NDST2: variants seen among roughly 807,000 people sequenced by gnomAD.
NDST2 encodes bifunctional heparan sulfate N-deacetylase/N-sulfotransferase 2.
NDST2 carries 32 observed loss-of-function variants against 86.9 expected under a neutral mutation model. The observed-to-expected ratio is 0.37, with a 90% CI of 0.28 to 0.49. NDST2 has a LOEUF of 0.49. Ranked by LOEUF, NDST2 falls within the 20% of genes least tolerant of loss-of-function variation. The pLI, the probability that NDST2 is intolerant of heterozygous loss-of-function variation, is 0.97. For missense variants in NDST2, 950 were observed against 1,146.9 expected (o/e 0.83, Z 2.48); for synonymous variants, 409 against 437.0 (o/e 0.94, Z 0.80).
Position 73,804,914 on chromosome 10 carries a change from T to G in NDST2, c.1747-45A>C, listed in dbSNP as rs143691749. The G allele has an allele frequency of 6.7e-4, 881 of 1,309,640 alleles. 8 individuals are homozygous for G. In the East Asian group the frequency reaches 0.018, roughly 27 times the overall value. The allele number at this position is 1,309,640 out of a possible 1,614,324, so 81.1% of individuals were successfully genotyped here. ...TCAGATAAGGCCTATTTTTTTTTTTTTTTTGAGACGGAGTTTCGTTCTTGT... is the reference window on the plus strand; with the variant it reads ...TCAGATAAGGCCTATTTTTTTTTTTGTTTTGAGACGGAGTTTCGTTCTTGT... On this transcript the variant is annotated intron_variant, in intron 8 of 14. Transcript: ENST00000309979.
chr10:73,810,368 G>C (rs3758493), intron 2 of NDST2, among the ~76,000 whole-genome samples: 1 of 152,076 alleles, frequency 6.6e-6, no homozygotes, highest in Non-Finnish European at 1.5e-5. Flanking sequence ...TGAGGCAGGA[G>C]AATCACTTGA....
rs139597943 is a variant in NDST2 at position 73,807,969 on chromosome 10, A to G, written c.420T>C (p.Tyr140=). Residue 140 remains tyrosine (Y), a synonymous_variant, in exon 3 of 15, where the codon TAT becomes TAC. Coordinates refer to ENST00000309979, the MANE Select transcript of NDST2 (RefSeq NM_003635.4). The part of the protein sequence containing the change: ...NTHGRYVLVI[Y]ENLLKYVNLD... ...GGTTGACATACTTGAGCAGGTTCTC[A>G]TAAATGACCAAGACATAGCGGCCAT... The G allele has an allele frequency of 3.7e-3, 5,908 of 1,613,704 alleles. 21 individuals carry two copies. The highest frequency in any genetic ancestry group is 4.7e-3 in the Non-Finnish European group (5,528 of 1,179,538).
chr10:73,807,539 G>A lies in NDST2; in HGVS notation c.850C>T (p.Leu284Phe). ...GIQRVLFGHG[L>F]SFWLHKLIFV... ...ATAAGTTTGTGGAGCCAGAAGGAAA[G>A]GCCATGTCCAAAGAGCACCCGCTGG... The change falls in exon 3 of 15, where the codon CTT becomes TTT. Residue 284 changes from leucine (L) to phenylalanine (F), a missense_variant. Leu to Phe is a conservative substitution (Grantham distance 22). This residue lies in a region of NDST2 where 586 missense variants were observed against 714.0 expected (regional missense o/e 0.82). Coordinates refer to ENST00000309979, the MANE Select transcript of NDST2 (RefSeq NM_003635.4). The A allele has an allele frequency of 6.2e-7, 1 of 1,614,210 alleles. No individual in the cohort carries two copies. The highest frequency in any genetic ancestry group is 8.5e-7 in the Non-Finnish European group (1 of 1,180,034).
At position 73,802,512 on chromosome 10, in the gene NDST2, C is replaced by T. The variant is rs747264971; in HGVS notation, c.2591G>A (p.Arg864Gln). 23 of 1,613,846 alleles carry T rather than the reference C, an allele frequency of 1.4e-5. No individual in the cohort carries two copies. The highest frequency in any genetic ancestry group is 8.8e-5 in the South Asian group (8 of 91,074). The change falls in exon 15 of 15, where the codon CGG becomes CAG. Residue 864 changes from arginine (R) to glutamine (Q), a missense_variant. Around this residue, in one of 5 missense-constraint regions of NDST2, gnomAD observed 303 missense variants for 323.7 expected, o/e 0.94. Coordinates refer to ENST00000309979, the MANE Select transcript of NDST2 (RefSeq NM_003635.4). ...HNLELSKLLS[R>Q]LGQPVPSWLR... Reference sequence around the variant, plus strand: ...CCACGAGGGCACTGGCTGTCCAAGCCGGCTCAGCAGCTTCGACAACTCCAA... The same window carrying T: ...CCACGAGGGCACTGGCTGTCCAAGCTGGCTCAGCAGCTTCGACAACTCCAA...
chr10:73,807,376 AGACT>A lies in NDST2; in HGVS notation c.1005+4_1005+7del, dbSNP rs1394288701. The A allele has an allele frequency of 6.2e-7, 1 of 1,613,240 alleles. No homozygotes were observed. The highest frequency in any genetic ancestry group is 2.2e-5 in the East Asian group (1 of 44,872). ...TTCTAAGAAAAAAATTTAAGTAACA[AGACT>A]GACCTCAACATCAGCCACCTTCATG... On this transcript the variant is annotated splice_donor_5th_base_variant and intron_variant, in intron 3 of 14. Coordinates refer to ENST00000309979, the MANE Select transcript of NDST2 (RefSeq NM_003635.4).
intron 8 of NDST2, among the ~76,000 whole-genome samples, chr10:73,805,208 G>C (rs2084078417): frequency 6.6e-6 from 1 of 151,768 alleles, no homozygotes; most frequent in Non-Finnish European, 1.5e-5. Flanking sequence ...GCCTGGCCTA[G>C]TCTTCTCTTA....
intron 2 of NDST2, among the ~76,000 whole-genome samples, chr10:73,810,196 C>T (rs1047991625): frequency 3.3e-5 from 5 of 152,058 alleles, no homozygotes; most frequent in South Asian, 2.1e-4. Flanking sequence ...TGGTGCCTCA[C>T]GCCTGTAATT....
intron 11 of NDST2, 63 bp downstream of exon 11, chr10:73,803,511 A>G: frequency 2.5e-6 from 3 of 1,221,388 alleles, no homozygotes; most frequent in Non-Finnish European, 3.6e-6. Flanking sequence ...CCTCTCTAGC[A>G]GTCACTGTCC....
chr10:73,803,054 G>A lies in NDST2; in HGVS notation c.2341C>T (p.Arg781Cys), dbSNP rs371214914. The change falls in exon 13 of 15, where the codon CGT becomes TGT. Residue 781 changes from arginine to cysteine, a missense_variant. Around this residue, in one of 5 missense-constraint regions of NDST2, gnomAD observed 303 missense variants for 323.7 expected, o/e 0.94. Coordinates refer to ENST00000309979, the MANE Select transcript of NDST2 (RefSeq NM_003635.4). ...TCCATTGAGGCTGCTGGGTTGGTAC[G>A]CAGCTCTTGCCCATCCACAATCAGC... ...QLLIVDGQELRTNPAASMESI... is the reference protein window; with the variant it reads ...QLLIVDGQELCTNPAASMESI... The A allele has an allele frequency of 5.0e-5, 81 of 1,614,090 alleles. No homozygotes were observed. Among genetic ancestry groups the A allele is most frequent in the Admixed American group, 6.7e-5 (4 of 60,008 alleles).
intron 2 of NDST2, chr10:73,809,153 T>C (rs1230296007): frequency 6.6e-6 from 1 of 152,212 alleles, no homozygotes; most frequent in Admixed American, 6.5e-5. Context: ...GCCCCGGAAG[T>C]CTTCAGAAGT....
chr10:73,809,520 A>C (rs1327728046), intron 2 of NDST2, among the ~76,000 whole-genome samples: 3 of 152,210 alleles, frequency 2.0e-5, no homozygotes, highest in Admixed American at 2.0e-4. Context: ...ACTTAGCCTA[A>C]GTAGTTCTAC....
chr10:73,809,729 T>G (rs1407200706), intron 2 of NDST2, among the ~76,000 whole-genome samples: 1 of 152,148 alleles, frequency 6.6e-6, no homozygotes, highest in East Asian at 1.9e-4. Flanking sequence ...GGTCTAATTT[T>G]GGGGATCTCT....
At chr10:73,803,463 A>T in intron 11 of NDST2, 104 bp from the exon 12 acceptor site, 2 of 1,541,440 alleles carry the variant, frequency 1.3e-6, no homozygotes, top group Non-Finnish European at 1.8e-6. Flanking sequence ...CCCGTCCCCA[A>T]GGCACTAGTT....
At position 73,811,566 on chromosome 10, in the gene NDST2, G is replaced by C. The variant is rs2084270210; in HGVS notation, c.-539C>G. The C allele has an allele frequency of 6.6e-6, 1 of 152,162 alleles. No homozygotes were observed. Among genetic ancestry groups the C allele is most frequent in the African/African-American group, 2.4e-5 (1 of 41,454 alleles). 9.4% of individuals were successfully genotyped at this position (152,162 alleles called of 1,614,324 possible). ...TGCTTTCGGGGCCACGGGCCGCGTCGCGGCTGCTCCGCCATCTCCGAGCGA... is the reference window on the plus strand; with the variant it reads ...TGCTTTCGGGGCCACGGGCCGCGTCCCGGCTGCTCCGCCATCTCCGAGCGA... On this transcript the variant is annotated 5_prime_UTR_variant, in exon 1 of 15. Coordinates refer to ENST00000309979, the MANE Select transcript of NDST2 (RefSeq NM_003635.4).
chr10:73,804,669 C>CT (rs2084067357), intron 9 of NDST2, 104 bp downstream of exon 9: 4 of 564,866 alleles, frequency 7.1e-6, no homozygotes, highest in East Asian at 7.1e-5. Context: ...ATTAAAAATA[C>CT]TTTTTTCACT....
chr10:73,802,687 T>C lies in NDST2; in HGVS notation c.2513A>G (p.Asp838Gly), dbSNP rs964514051. The change falls in exon 14 of 15, where the codon GAT becomes GGT. Residue 838 changes from aspartate to glycine, a missense_variant. Around this residue, in one of 5 missense-constraint regions of NDST2, gnomAD observed 303 missense variants for 323.7 expected, o/e 0.94. Transcript: ENST00000309979. The stretch of plus-strand genomic sequence containing the variant: ...GGCTTTACTTACCTCAGTGTCCATA[T>C]CTGGATACCTCCGGCCTTTGCTCCG... The part of the protein sequence containing the change: ...LGRSKGRRYP[D>G]MDTESRLFLT... 1.2e-5 allele frequency: 20 copies of C among 1,614,030 alleles called. No individual in the cohort carries two copies. The highest frequency in any genetic ancestry group is 1.6e-5 in the Non-Finnish European group (19 of 1,180,036).
Position 73,806,881 on chromosome 10 carries a change from C to G in NDST2, c.1094-70G>C. On this transcript the variant is annotated intron_variant, in intron 4 of 14. Coordinates refer to ENST00000309979, the MANE Select transcript of NDST2 (RefSeq NM_003635.4). The surrounding 1 kb of genome is among the most constrained non-coding windows in gnomAD (Gnocchi z 4.5). ...TTCCCTCCTTTATTTTGTAACAACACTGACCACCTTCCATCCCTGATCCTT... is the reference window on the plus strand; with the variant it reads ...TTCCCTCCTTTATTTTGTAACAACAGTGACCACCTTCCATCCCTGATCCTT... The G allele has an allele frequency of 6.3e-7, 1 of 1,585,058 alleles. No homozygotes were observed.
At chr10:73,802,895 T>A (rs1164276052) in intron 13 of NDST2, 77 bp downstream of exon 13, 1 of 1,524,868 alleles carries the variant, frequency 6.6e-7, no homozygotes, top group Non-Finnish European at 9.1e-7. Context: ...AGAGTAAATC[T>A]ATGTCTCTAA....
At chr10:73,804,062 G>A (rs756601399) in intron 9 of NDST2, 46 bp from the exon 10 acceptor site, 4 of 1,601,602 alleles carry the variant, frequency 2.5e-6, no homozygotes, top group South Asian at 1.1e-5. Flanking sequence ...TTGTGGGAGG[G>A]AAGCCAGCTC....
Sources: allele counts gnomAD v4.1 joint callset (sites outside exome capture counted in the v4.1 genomes callset), GRCh38; gene constraint gnomAD v4.1.1; regional missense constraint gnomAD v4.1.1; non-coding constraint Gnocchi (gnomAD v3.1); transcripts MANE v1.5; gene names NCBI Gene and HGNC (gene_info 2026-07-23, HGNC 2026-07-21).